DYNC1I2: variants seen among roughly 807,000 people sequenced by gnomAD.
DYNC1I2 encodes dynein cytoplasmic 1 intermediate chain 2, also known as cytoplasmic dynein 1 intermediate chain 2.
DYNC1I2 carries 53 observed loss-of-function variants against 88.6 expected under a neutral mutation model. The ratio of observed to expected loss-of-function variants is 0.60; its 90% confidence interval spans 0.48 to 0.75. The LOEUF is 0.75. Ranked by LOEUF, DYNC1I2 falls within the 30% of genes least tolerant of loss-of-function variation. The probability of loss-of-function intolerance (pLI) is 0.00; values close to 1 mark genes in which losing one functional copy is unlikely to be tolerated. For missense variants in DYNC1I2, 458 were observed against 766.6 expected (o/e 0.60, Z 4.75); for synonymous variants, 198 against 254.6 (o/e 0.78, Z 2.12).
intron 5 of DYNC1I2, among the ~76,000 whole-genome samples, chr2:171,709,862 C>T (rs1165053130): frequency 6.6e-6 from 1 of 152,092 alleles, no homozygotes; most frequent in Non-Finnish European, 1.5e-5. Flanking sequence ...GGATTACAAG[C>T]ATGCACAACC....
chr2:171,699,573 G>A (rs1427094230), intron 3 of DYNC1I2, among the ~76,000 whole-genome samples: 4 of 150,434 alleles, frequency 2.7e-5, no homozygotes, highest in Non-Finnish European at 5.9e-5. Context: ...TAGAGAGCAG[G>A]GGTTATTCAT....
chr2:171,706,984 G>A lies in DYNC1I2; in HGVS notation c.245-303G>A. 4 of 485,662 alleles carry A rather than the reference G, an allele frequency of 8.2e-6. No homozygotes were observed. In the South Asian group the frequency reaches 1.1e-4, roughly 13 times the overall value. 30.1% of individuals were successfully genotyped at this position (485,662 alleles called of 1,614,324 possible). A position where few individuals can be genotyped will look rare whatever the true frequency, so the allele number is the denominator to read the frequency against. On this transcript the variant is annotated intron_variant, in intron 4 of 17. Transcript: ENST00000397119. ...GAATGCTCTCCTTTGAAAATTAGTG[G>A]CCACATTTGGTGATGGATGAGATGA...
intron 3 of DYNC1I2, among the ~76,000 whole-genome samples, chr2:171,693,906 TGCTTGTTA>T (rs1685565341): frequency 6.6e-6 from 1 of 152,234 alleles, no homozygotes; most frequent in Admixed American, 6.5e-5. Context: ...TAAACCAAGT[TGCTTGTTA>T]GCCTTTGTTT....
chr2:171,703,858 C>T (rs1686464149), intron 3 of DYNC1I2, among the ~76,000 whole-genome samples: 1 of 152,116 alleles, frequency 6.6e-6, no homozygotes, highest in Admixed American at 6.5e-5. Flanking sequence ...TCATTGATGA[C>T]CTTAGAAGAG....
At chr2:171,735,017 C>T (rs1688909742) in intron 15 of DYNC1I2, among the ~76,000 whole-genome samples, 1 of 152,194 alleles carries the variant, frequency 6.6e-6, no homozygotes, top group African/African-American at 2.4e-5. Flanking sequence ...TGCTTCTCTT[C>T]CTCTACTTTT....
Position 171,725,603 on chromosome 2 carries a change from T to TGG in DYNC1I2, c.512-15_512-14insGG, listed in dbSNP as rs760108357. The TGG allele has an allele frequency of 8.0e-4, 1,106 of 1,380,638 alleles. 5 individuals carry two copies. In the Middle Eastern group the frequency reaches 0.01, roughly 13 times the overall value. The allele number at this position is 1,380,638 out of a possible 1,614,324, so 85.5% of individuals were successfully genotyped here. On this transcript the variant is annotated splice_polypyrimidine_tract_variant and intron_variant, in intron 7 of 17. Coordinates refer to ENST00000397119, the MANE Select transcript of DYNC1I2 (RefSeq NM_001378.3). ...GTTTTTTTGTTTTTTTGTTTGTTTT[T>TGG]TTTTTTTTTTTCAGATGAAGAGGAA...
At chr2:171,692,961 A>C in intron 3 of DYNC1I2, 67 bp downstream of exon 3, 1 of 1,104,186 alleles carries the variant, frequency 9.1e-7, no homozygotes, top group South Asian at 1.4e-5. Flanking sequence ...GACATAGCTG[A>C]GTGGATTGAC....
At chr2:171,698,625 T>C (rs1350362172) in intron 3 of DYNC1I2, among the ~76,000 whole-genome samples, 1 of 152,030 alleles carries the variant, frequency 6.6e-6, no homozygotes, top group Non-Finnish European at 1.5e-5. Context: ...ATCCCAGCAC[T>C]TTGGGAGGCT....
At chr2:171,721,288 G>A (rs1296079499) in intron 7 of DYNC1I2, among the ~76,000 whole-genome samples, 1 of 151,938 alleles carries the variant, frequency 6.6e-6, no homozygotes, top group Non-Finnish European at 1.5e-5. Context: ...TTTTTCCCTT[G>A]TTGAAGAGCC....
intron 5 of DYNC1I2, among the ~76,000 whole-genome samples, chr2:171,709,650 A>G (rs1248956557): frequency 6.6e-6 from 1 of 152,214 alleles, no homozygotes; most frequent in Non-Finnish European, 1.5e-5. Context: ...TAGATAATGA[A>G]TACAAAATTG....
chr2:171,707,218 T>C (rs1686748032), intron 4 of DYNC1I2, 69 bp from the exon 5 acceptor site: 1 of 1,607,144 alleles, frequency 6.2e-7, no homozygotes, highest in Admixed American at 1.7e-5. Context: ...TAAATTATTT[T>C]TGAAACGTCA....
rs1688107065 is a variant in DYNC1I2 at position 171,724,469 on chromosome 2, C to A, written c.512-1149C>A. Reference sequence around the variant, plus strand: ...AGAATGTTATGCCATCCCATTGCCACCTTGTAGCAGAAAGACACAATCCCA... The same window carrying A: ...AGAATGTTATGCCATCCCATTGCCAACTTGTAGCAGAAAGACACAATCCCA... On this transcript the variant is annotated intron_variant, in intron 7 of 17. Transcript: ENST00000397119. Among the ~76,000 whole-genome samples, 4 of 152,184 alleles carry A rather than the reference C, an allele frequency of 2.6e-5. 1 individual carries two copies. The highest frequency in any genetic ancestry group is 2.6e-4 in the Admixed American group (4 of 15,278).
chr2:171,703,508 A>G (rs891481134), intron 3 of DYNC1I2, among the ~76,000 whole-genome samples: 3 of 152,328 alleles, frequency 2.0e-5, no homozygotes, highest in South Asian at 4.1e-4. Flanking sequence ...GATTATAGGC[A>G]TGACACATCA....
At chr2:171,739,122 A>G (rs1689224035) in intron 15 of DYNC1I2, among the ~76,000 whole-genome samples, 1 of 148,986 alleles carries the variant, frequency 6.7e-6, no homozygotes, top group African/African-American at 2.5e-5. Context: ...AAAAAAAAAG[A>G]AAACCACCTT....
chr2:171,718,148 G>T (rs115253742), intron 7 of DYNC1I2, among the ~76,000 whole-genome samples: 1,918 of 151,990 alleles, frequency 0.013, 35 homozygotes, highest in African/African-American at 0.042. Context: ...GTAGACTTGG[G>T]GGTCTCGCCA....
intron 3 of DYNC1I2, among the ~76,000 whole-genome samples, chr2:171,704,586 G>A (rs1406933795): frequency 1.3e-5 from 2 of 152,114 alleles, no homozygotes; most frequent in African/African-American, 4.8e-5. Context: ...AAATTAATTA[G>A]TAATGGTTTA....
intron 15 of DYNC1I2, among the ~76,000 whole-genome samples, chr2:171,742,139 G>C (rs552187631): frequency 6.6e-6 from 1 of 150,754 alleles, no homozygotes; most frequent in East Asian, 1.9e-4. Flanking sequence ...TTTTCTATAT[G>C]ATGTAAGGAA....
chr2:171,706,738 A>G (rs944766956), intron 4 of DYNC1I2, among the ~76,000 whole-genome samples, 174 bp downstream of exon 4: 33 of 152,164 alleles, frequency 2.2e-4, no homozygotes, highest in Admixed American at 2.1e-3. Context: ...ATTTCTCTAA[A>G]TTGATATCTT....
chr2:171,696,692 C>G (rs575717784), intron 3 of DYNC1I2, among the ~76,000 whole-genome samples: 1 of 152,160 alleles, frequency 6.6e-6, no homozygotes, highest in South Asian at 2.1e-4. Flanking sequence ...TCTATCTTTT[C>G]CCCCACTGAA....
Sources: allele counts gnomAD v4.1 joint callset (sites outside exome capture counted in the v4.1 genomes callset), GRCh38; gene constraint gnomAD v4.1.1; transcripts MANE v1.5; gene names NCBI Gene and HGNC (gene_info 2026-07-23, HGNC 2026-07-21).